HSD17B12: variants seen among roughly 807,000 people sequenced by gnomAD.
HSD17B12 encodes the protein very-long-chain 3-oxoacyl-CoA reductase.
HSD17B12 carries 32 observed loss-of-function variants against 39.3 expected under a neutral mutation model. The ratio of observed to expected loss-of-function variants is 0.81; its 90% CI spans 0.61 to 1.09. The LOEUF is 1.09. HSD17B12 is among the 50% of genes least tolerant of loss of function. The probability of loss-of-function intolerance (pLI) is 0.00; values close to 1 mark genes in which losing one functional copy is unlikely to be tolerated. For missense variants in HSD17B12, 342 were observed against 382.9 expected, an observed-to-expected ratio of 0.89 and a Z score of 0.89; for synonymous variants, 150 against 146.7, an observed-to-expected ratio of 1.02 and a Z score of -0.16.
the HSD17B12 span, among the ~76,000 whole-genome samples, chr11:43,618,709 A>G: frequency 6.6e-6 from 1 of 152,122 alleles, no homozygotes; most frequent in Non-Finnish European, 1.5e-5. Context: ...CTAAGAAACT[A>G]CTTGCAAAAT....
At chr11:43,608,414 G>T in the HSD17B12 span, among the ~76,000 whole-genome samples, 2 of 150,468 alleles carry the variant, frequency 1.3e-5, no homozygotes, top group African/African-American at 4.9e-5. Context: ...AAAAATCAAT[G>T]CCCTTTCTTT....
intron 1 of HSD17B12, among the ~76,000 whole-genome samples, chr11:43,700,387 A>G (rs764928546): frequency 8.5e-5 from 13 of 152,056 alleles, no homozygotes; most frequent in Admixed American, 1.3e-4. Context: ...TTAAGTTATT[A>G]TTGACTACAG....
chr11:43,560,622 G>T, the HSD17B12 span, among the ~76,000 whole-genome samples: 2 of 152,160 alleles, frequency 1.3e-5, no homozygotes, highest in Admixed American at 6.5e-5. Flanking sequence ...AATTCTGTAC[G>T]CATGGGCTAC....
chr11:43,641,444 G>A, the HSD17B12 span, among the ~76,000 whole-genome samples: 1 of 151,976 alleles, frequency 6.6e-6, no homozygotes, highest in South Asian at 2.1e-4. Flanking sequence ...GTAAACTAAT[G>A]TGATAAACTA....
intron 3 of HSD17B12, among the ~76,000 whole-genome samples, chr11:43,775,607 A>T (rs529764068): frequency 9.3e-5 from 14 of 151,148 alleles, no homozygotes; most frequent in Admixed American, 2.0e-4. Flanking sequence ...TTATTTATTT[A>T]TTTATTTTTT....
the HSD17B12 span, among the ~76,000 whole-genome samples, chr11:43,661,759 A>G: frequency 3.9e-5 from 6 of 152,238 alleles, no homozygotes; most frequent in African/African-American, 1.4e-4. Context: ...GCCCAGAAAA[A>G]GGACATTATT....
chr11:43,623,614 A>G, the HSD17B12 span, among the ~76,000 whole-genome samples: 2 of 152,088 alleles, frequency 1.3e-5, no homozygotes, highest in Non-Finnish European at 1.5e-5. Context: ...AAAAGCTCCA[A>G]AACATTTTTA....
the HSD17B12 span, among the ~76,000 whole-genome samples, chr11:43,619,309 T>C: frequency 9.1e-5 from 13 of 143,440 alleles, no homozygotes; most frequent in Admixed American, 2.9e-4. Context: ...ATATATATAT[T>C]TGTGGATTAG....
intron 3 of HSD17B12, among the ~76,000 whole-genome samples, chr11:43,763,444 G>T (rs1345912996): frequency 6.6e-6 from 1 of 151,934 alleles, no homozygotes; most frequent in Non-Finnish European, 1.5e-5. Flanking sequence ...AGCCAGGCTG[G>T]ATACTGAGGC....
chr11:43,568,656 C>A, the HSD17B12 span, among the ~76,000 whole-genome samples: 1 of 152,316 alleles, frequency 6.6e-6, no homozygotes, highest in South Asian at 2.1e-4. Context: ...AGGTTGGGAA[C>A]TTAAGATACT....
chr11:43,571,138 G>A, the HSD17B12 span, among the ~76,000 whole-genome samples: 4 of 152,164 alleles, frequency 2.6e-5, no homozygotes, highest in African/African-American at 9.7e-5. Context: ...TGAATAAAAA[G>A]TTCTGCTAAT....
At chr11:43,587,445 G>T in the HSD17B12 span, among the ~76,000 whole-genome samples, 1 of 152,312 alleles carries the variant, frequency 6.6e-6, no homozygotes, top group East Asian at 1.9e-4. Flanking sequence ...GAAGGTTTGA[G>T]CTTAGGTTGC....
chr11:43,757,724 A>C (rs1950524028), intron 3 of HSD17B12, among the ~76,000 whole-genome samples: 2 of 151,564 alleles, frequency 1.3e-5, no homozygotes, highest in Admixed American at 6.6e-5. Flanking sequence ...CACAAAAAAA[A>C]CAGACAAATA....
chr11:43,733,246 T>A (rs186262746), intron 1 of HSD17B12, among the ~76,000 whole-genome samples: 124 of 152,298 alleles, frequency 8.1e-4, no homozygotes, highest in African/African-American at 2.9e-3. Context: ...TATCGTTGGG[T>A]TTATGTTGTG....
chr11:43,829,399 T>C (rs573984281), intron 6 of HSD17B12, among the ~76,000 whole-genome samples: 11 of 152,336 alleles, frequency 7.2e-5, no homozygotes, highest in South Asian at 6.2e-4. Context: ...TGCCATGATA[T>C]AATTTTGTAA....
At chr11:43,569,901 A>G in the HSD17B12 span, 1 of 152,578 alleles carries the variant, frequency 6.6e-6, no homozygotes, top group Non-Finnish European at 1.5e-5. Context: ...CATTTGCCAT[A>G]ATAACCCCTC....
At chr11:43,675,512 G>A in the HSD17B12 span, among the ~76,000 whole-genome samples, 1 of 152,060 alleles carries the variant, frequency 6.6e-6, no homozygotes, top group Non-Finnish European at 1.5e-5. Context: ...TGCCGGAGAG[G>A]TCAGGGCAGA....
At chr11:43,848,872 C>T (rs1416069921) in intron 9 of HSD17B12, among the ~76,000 whole-genome samples, 3 of 152,166 alleles carry the variant, frequency 2.0e-5, no homozygotes, top group African/African-American at 7.2e-5. Context: ...TCATGACCTC[C>T]ACTACTACCA....
chr11:43,758,322 G>A lies in HSD17B12; in HGVS notation c.283+4201G>A, dbSNP rs11037602. Among the ~76,000 whole-genome samples the A allele has an allele frequency of 7.2e-3, 1,100 of 152,190 alleles. 8 individuals carry two copies. Among genetic ancestry groups the A allele is most frequent in the East Asian group, 0.044 (228 of 5,162 alleles). The stretch of plus-strand genomic sequence containing the variant: ...TTAGAGGATCTTCAAGCCAGAGAAC[G>A]CCAATCTTGGGAGACACAGGCAGGA... On this transcript the variant is annotated intron_variant, in intron 3 of 10. Transcript: ENST00000278353.
Sources: gnomAD v4.1 joint callset for allele counts (sites outside exome capture counted in the v4.1 genomes callset) on GRCh38, gnomAD v4.1.1 for gene constraint, MANE v1.5 for transcripts, NCBI Gene and HGNC (gene_info 2026-07-23, HGNC 2026-07-21) for gene names.